IQSEC1: variants seen among roughly 807,000 people sequenced by gnomAD.
The protein encoded by IQSEC1 is IQ motif and Sec7 domain ArfGEF 1.
Under a neutral mutation model 91.0 loss-of-function variants are expected in IQSEC1, and 31 were observed. The observed-to-expected ratio is 0.34, with a 90% CI of 0.26 to 0.46. The LOEUF (loss-of-function observed/expected upper bound fraction) is 0.46. Ranked by LOEUF, IQSEC1 falls within the 20% of genes least tolerant of loss-of-function variation. IQSEC1 has a pLI of 1.00. For missense variants in IQSEC1, 1,388 were observed against 1,575.6 expected, an observed-to-expected ratio of 0.88 and a Z score of 2.02; for synonymous variants, 699 against 662.6, an observed-to-expected ratio of 1.05 and a Z score of -0.84.
chr3:12,999,232 AC>A (rs1472584559), intron 1 of IQSEC1, among the ~76,000 whole-genome samples: 1 of 152,112 alleles, frequency 6.6e-6, no homozygotes, highest in Non-Finnish European at 1.5e-5. Flanking sequence ...AAGACTCCTT[AC>A]AACTCTGATG....
intron 3 of IQSEC1, among the ~76,000 whole-genome samples, chr3:12,929,877 T>C (rs1290453140): frequency 6.6e-6 from 1 of 152,184 alleles, no homozygotes; most frequent in Non-Finnish European, 1.5e-5. Context: ...TGCTCCCAGG[T>C]CTGGCCTTAG....
At chr3:13,242,285 C>T (rs1260872459) in intron 1 of IQSEC1, among the ~76,000 whole-genome samples, 1 of 152,164 alleles carries the variant, frequency 6.6e-6, no homozygotes, top group African/African-American at 2.4e-5. Flanking sequence ...TCCTGGCCTA[C>T]AGAATATCAG....
chr3:13,157,770 C>T (rs1385917716), intron 2 of IQSEC1, among the ~76,000 whole-genome samples: 2 of 151,558 alleles, frequency 1.3e-5, no homozygotes, highest in Admixed American at 1.3e-4. Context: ...GCCGCGTCTC[C>T]ACAGACTGTG....
chr3:13,192,578 T>C (rs896304101), intron 1 of IQSEC1, among the ~76,000 whole-genome samples: 4 of 152,196 alleles, frequency 2.6e-5, no homozygotes, highest in Non-Finnish European at 5.9e-5. Flanking sequence ...CAGGACCACC[T>C]GCCGTCCCCA....
intron 1 of IQSEC1, among the ~76,000 whole-genome samples, chr3:13,210,868 G>C (rs778348898): frequency 6.6e-6 from 1 of 152,238 alleles, no homozygotes; most frequent in Non-Finnish European, 1.5e-5. Context: ...TGGAGGGCAC[G>C]GCCCACTGTG....
At chr3:13,060,512 G>A (rs1159907391) in intron 1 of IQSEC1, among the ~76,000 whole-genome samples, 2 of 152,202 alleles carry the variant, frequency 1.3e-5, no homozygotes, top group African/African-American at 2.4e-5. Context: ...GCTTTCCACC[G>A]ATGGGCGGGG....
chr3:12,948,024 G>A (rs577047569), intron 1 of IQSEC1, among the ~76,000 whole-genome samples: 16 of 152,254 alleles, frequency 1.1e-4, no homozygotes, highest in Non-Finnish European at 2.4e-4. Flanking sequence ...TGCCAAGCAA[G>A]GGGCCAAGCA....
chr3:12,900,884 C>T lies in IQSEC1; in HGVS notation c.*99G>A, dbSNP rs774696389. On this transcript the variant is annotated 3_prime_UTR_variant, in exon 14 of 14. Transcript: ENST00000613206. The stretch of plus-strand genomic sequence containing the variant: ...GAGGGGCAGAGGGGAGAGATGGCAA[C>T]AGAAGTGCCCCGGGTTTGGTGTGCG... 7.8e-6 allele frequency: 12 copies of T among 1,534,648 alleles called. No homozygotes were observed. The African/African-American group carries it at 1.4e-4, about 18-fold the overall frequency.
In IQSEC1 at chr3:12,922,157, C is replaced by T; in HGVS notation, c.1816G>A (p.Glu606Lys). 6.2e-7 allele frequency: 1 copy of T among 1,610,486 alleles called. No homozygotes were observed. Among genetic ancestry groups the T allele is most frequent in the Non-Finnish European group, 8.5e-7 (1 of 1,177,608 alleles). The change falls in exon 5 of 14, where the codon GAG becomes AAG. Residue 606 changes from glutamate (E) to lysine (K), a missense_variant. Physicochemically the swap from Glu to Lys is moderately conservative, Grantham distance 56. This residue lies in a region of IQSEC1 where 1,059 missense variants were observed against 1,317.8 expected (regional missense o/e 0.80). Coordinates refer to ENST00000613206, the MANE Select transcript of IQSEC1 (RefSeq NM_001134382.3). The surrounding 1 kb of genome is among the most constrained non-coding windows in gnomAD (Gnocchi z 5.1). Reference protein sequence around the residue: ...KFQAHIRVQGEAQKVERLIEA... With the variant: ...KFQAHIRVQGKAQKVERLIEA... ...ATGAGCCGCTCCACTTTCTGAGCCTCCCCTTGGACACGGATGTGCGCCTGG... is the reference window on the plus strand; with the variant it reads ...ATGAGCCGCTCCACTTTCTGAGCCTTCCCTTGGACACGGATGTGCGCCTGG...
chr3:12,984,863 C>T (rs1351546741), intron 1 of IQSEC1, among the ~76,000 whole-genome samples: 2 of 110,902 alleles, frequency 1.8e-5, no homozygotes, highest in African/African-American at 7.3e-5. Flanking sequence ...CTCACTCTTT[C>T]GCCCAAGCTG....
Position 13,123,533 on chromosome 3 carries a change from C to G in IQSEC1, c.302+40571G>C, listed in dbSNP as rs569415515. Reference sequence around the variant, plus strand: ...AAGTCCAAATGTGGCCTTGTGACTTCGCCATTTTGGAAAATTTGGCCAGCA... The same window carrying G: ...AAGTCCAAATGTGGCCTTGTGACTTGGCCATTTTGGAAAATTTGGCCAGCA... On this transcript the variant is annotated intron_variant, in intron 2 of 15. Transcript: ENST00000648114. 9.8e-5 allele frequency among the ~76,000 whole-genome samples: 15 copies of G among 152,304 alleles called. 1 individual carries two copies. In the South Asian group the frequency reaches 3.1e-3, roughly 32 times the overall value.
rs191401234 is a variant in IQSEC1 at position 12,922,395 on chromosome 3, T to A, written c.1731-153A>T. 2.8e-3 allele frequency among the ~76,000 whole-genome samples: 420 copies of A among 152,172 alleles called. 2 individuals carry two copies. Among genetic ancestry groups the A allele is most frequent in the African/African-American group, 9.2e-3 (382 of 41,530 alleles). ...ACTCCGACCAATCAGCCAAGAGCCC[T>A]CAGAATGCAGCAAAAAGACCTCCAG... On this transcript the variant is annotated intron_variant, in intron 4 of 13. Coordinates refer to ENST00000613206, the MANE Select transcript of IQSEC1 (RefSeq NM_001134382.3). This position sits in a 1 kb window ranked among gnomAD's most constrained non-coding sequence, Gnocchi z 5.1.
rs1375550168 is a variant in IQSEC1, at chr3:12,908,983, G to A, written c.2578+290C>T. 6.6e-6 allele frequency among the ~76,000 whole-genome samples: 1 copy of A among 152,148 alleles called. No individual in the cohort carries two copies. The highest frequency in any genetic ancestry group is 1.5e-5 in the Non-Finnish European group (1 of 68,024). ...GATGCAGAAGATGACGAGGTGCAGAGAGGCCAGCTGGGAACTCTGCGGGCT... is the reference window on the plus strand; with the variant it reads ...GATGCAGAAGATGACGAGGTGCAGAAAGGCCAGCTGGGAACTCTGCGGGCT... On this transcript the variant is annotated intron_variant, in intron 11 of 13. Transcript: ENST00000613206. This position sits in a 1 kb window ranked among gnomAD's most constrained non-coding sequence, Gnocchi z 4.9.
At chr3:13,154,813 G>T (rs1013050534) in intron 2 of IQSEC1, among the ~76,000 whole-genome samples, 1 of 151,402 alleles carries the variant, frequency 6.6e-6, no homozygotes, top group Admixed American at 6.6e-5. Flanking sequence ...AACAATAGAG[G>T]AAAAACCTAA....
chr3:13,206,099 A>G (rs1180501864), intron 1 of IQSEC1, among the ~76,000 whole-genome samples: 1 of 138,598 alleles, frequency 7.2e-6, no homozygotes, highest in Non-Finnish European at 1.5e-5. Flanking sequence ...CCATTCCTCC[A>G]TCCACCCATC....
At chr3:13,026,542 C>G (rs1053991274) in intron 1 of IQSEC1, among the ~76,000 whole-genome samples, 8 of 152,238 alleles carry the variant, frequency 5.3e-5, no homozygotes, top group African/African-American at 1.7e-4. Context: ...AACTGTGGAG[C>G]CTGGTGGGGC....
At chr3:13,044,180 A>G (rs1164335777) in intron 1 of IQSEC1, among the ~76,000 whole-genome samples, 1 of 152,210 alleles carries the variant, frequency 6.6e-6, no homozygotes, top group Non-Finnish European at 1.5e-5. Context: ...TGCTGCTTCT[A>G]GAGCAATGGT....
At chr3:13,280,352 A>G (rs357116) in intron 1 of IQSEC1, among the ~76,000 whole-genome samples, 78,028 of 152,090 alleles carry the variant, frequency 0.51, 20,316 homozygotes, top group East Asian at 0.57. Context: ...CATGTTCCTT[A>G]GGCATAAATC....
Position 12,909,256 on chromosome 3 carries a change from T to C in IQSEC1, c.2578+17A>G, listed in dbSNP as rs537479043. The C allele has an allele frequency of 4.3e-6, 7 of 1,612,422 alleles. No individual in the cohort carries two copies. The African/African-American group carries it at 8.0e-5, about 18-fold the overall frequency. ...CTGGCAAGTCTCGGCCTTCTGTCCA[T>C]GAGGCCTGGTACTCACACTCTATCC... is the stretch of plus-strand genomic sequence containing the variant. On this transcript the variant is annotated intron_variant, in intron 11 of 13. Coordinates refer to ENST00000613206, the MANE Select transcript of IQSEC1 (RefSeq NM_001134382.3). The surrounding 1 kb of genome is among the most constrained non-coding windows in gnomAD (Gnocchi z 4.9).
Sources: gnomAD v4.1 joint callset for allele counts (sites outside exome capture counted in the v4.1 genomes callset) on GRCh38, gnomAD v4.1.1 for gene constraint, gnomAD v4.1.1 regional missense constraint, Gnocchi (gnomAD v3.1) non-coding constraint, MANE v1.5 for transcripts, NCBI Gene and HGNC (gene_info 2026-07-23, HGNC 2026-07-21) for gene names.